The following DLGAP2 variants were observed in gnomAD, a reference collection of about 807,000 sequenced individuals.
DLGAP2 encodes the protein DLG associated protein 2, also known as disks large-associated protein 2.
In DLGAP2, 26 loss-of-function variants were observed where a neutral mutation model predicts 100.3. That is an observed-to-expected ratio of 0.26 (90% CI 0.19 to 0.36). The LOEUF (loss-of-function observed/expected upper bound fraction) is 0.36. Ranked by LOEUF, DLGAP2 falls within the 10% of genes least tolerant of loss-of-function variation. The pLI is 1.00. For missense variants in DLGAP2, 1,858 were observed against 1,453.2 expected (o/e 1.28, Z -4.53); for synonymous variants, 886 against 630.1 (o/e 1.41, Z -6.08).
At position 1,678,381 on chromosome 8, in the gene DLGAP2, G is replaced by A; in HGVS notation, c.2456G>A (p.Arg819Lys). The A allele has an allele frequency of 6.2e-7, 1 of 1,614,016 alleles. No individual in the cohort carries two copies. The highest frequency in any genetic ancestry group is 1.1e-5 in the South Asian group (1 of 91,088). ...ACCCCCACCCAGTACAGCGCGGTGA[G>A]AACTGTACGGACCCAGGGGCTCTTC... The part of the protein sequence containing the change: ...PSTPTQYSAV[R>K]TVRTQGLFSY... The change falls in exon 12 of 15, where the codon AGA becomes AAA. Residue 819 changes from arginine (R) to lysine (K), a missense_variant. By Grantham distance (26) the Arg-to-Lys change is conservative. Coordinates refer to ENST00000637795, the MANE Select transcript of DLGAP2 (RefSeq NM_001346810.2).
intron 3 of DLGAP2, among the ~76,000 whole-genome samples, chr8:1,360,205 G>A (rs1049342994): frequency 9.5e-5 from 12 of 126,140 alleles, no homozygotes; most frequent in African/African-American, 3.2e-4. Context: ...GCTCAGGGGC[G>A]GGGCTTTTCC....
rs145097989 is a variant in DLGAP2 at position 1,418,960 on chromosome 8, A to G, written c.107-82406A>G. ...TCGGGGAAACACTTTACTTGTGTTT[A>G]CCCACACTATGTAAATGCTCCCACT... On this transcript the variant is annotated intron_variant, in intron 3 of 14. Transcript: ENST00000637795. Among the ~76,000 whole-genome samples the G allele has an allele frequency of 1.0e-3, 157 of 152,332 alleles. No individual in the cohort carries two copies. In the East Asian group the frequency reaches 0.016, roughly 16 times the overall value.
chr8:937,984 C>T (rs528981023), intron 2 of DLGAP2, among the ~76,000 whole-genome samples: 44 of 152,246 alleles, frequency 2.9e-4, no homozygotes, highest in African/African-American at 1.0e-3. Context: ...TTCAGCAGTT[C>T]TTACTCTCAT....
chr8:926,304 C>T lies in DLGAP2; in HGVS notation c.73+18338C>T, dbSNP rs529848213. ...CCTAAGCCTGCTGGCCCTGCTTTCC[C>T]GTTCTTCCTTCCCAGATCCCAGTGA... On this transcript the variant is annotated intron_variant, in intron 2 of 14. Coordinates refer to ENST00000637795, the MANE Select transcript of DLGAP2 (RefSeq NM_001346810.2). 1.3e-3 allele frequency among the ~76,000 whole-genome samples: 193 copies of T among 152,312 alleles called. 1 individual carries two copies. The highest frequency in any genetic ancestry group is 4.4e-3 in the African/African-American group (185 of 41,576).
intron 2 of DLGAP2, among the ~76,000 whole-genome samples, chr8:1,049,456 A>G (rs898203703): frequency 6.6e-6 from 1 of 152,152 alleles, no homozygotes; most frequent in Non-Finnish European, 1.5e-5. Context: ...CACCCTGCTT[A>G]ACGTCACACG....
At chr8:1,472,639 A>G (rs895487805) in intron 3 of DLGAP2, among the ~76,000 whole-genome samples, 2 of 152,168 alleles carry the variant, frequency 1.3e-5, no homozygotes, top group Non-Finnish European at 2.9e-5. Context: ...CAGGTTCAGA[A>G]TCGAAGCTCA....
In DLGAP2 at chr8:1,464,317, A is replaced by G. The variant is rs796302952; in HGVS notation, c.107-37049A>G. Among the ~76,000 whole-genome samples, 33 of 32,790 alleles carry G rather than the reference A, an allele frequency of 1.0e-3. 6 individuals are homozygous for G. The highest frequency in any genetic ancestry group is 1.9e-3 in the Admixed American group (5 of 2,656). 21.5% of individuals were successfully genotyped at this position (32,790 alleles called of 152,430 possible). On this transcript the variant is annotated intron_variant, in intron 3 of 14. Transcript: ENST00000637795. The stretch of plus-strand genomic sequence containing the variant: ...TCCAGGATGGCACCCTTCCAGGACA[A>G]CGCCCTTCCAGGACGGCACCCTTCC...
At chr8:902,991 GGCGGA>G (rs1798292966) in intron 1 of DLGAP2, among the ~76,000 whole-genome samples, 1 of 104,190 alleles carries the variant, frequency 9.6e-6, no homozygotes, top group African/African-American at 3.8e-5. Flanking sequence ...GGGGCGGGGG[GGCGGA>G]AAGTGTGTGG....
intron 4 of DLGAP2, 138 bp from the exon 5 acceptor site, chr8:1,548,488 A>T (rs1356484061): frequency 8.2e-6 from 3 of 367,194 alleles, no homozygotes; most frequent in Non-Finnish European, 1.3e-5. Context: ...AAAAAAACCC[A>T]CAAATCTGCC....
chr8:1,189,467 A>T (rs918598699), intron 2 of DLGAP2, among the ~76,000 whole-genome samples: 1 of 152,246 alleles, frequency 6.6e-6, no homozygotes, highest in Non-Finnish European at 1.5e-5. Flanking sequence ...CGTTTAAACC[A>T]GACCTTCTTT....
At chr8:1,346,980 G>A (rs973440742) in intron 3 of DLGAP2, among the ~76,000 whole-genome samples, 20 of 151,880 alleles carry the variant, frequency 1.3e-4, no homozygotes, top group Non-Finnish European at 2.2e-4. Flanking sequence ...ATACAGAGCT[G>A]CATTGCACTC....
intron 6 of DLGAP2, chr8:1,622,304 A>G (rs187038795): frequency 1.3e-5 from 2 of 152,358 alleles, no homozygotes; most frequent in East Asian, 3.9e-4. Context: ...TAGTATGGAA[A>G]AAAATTTTCT....
chr8:1,028,572 G>A (rs1413868427), intron 2 of DLGAP2, among the ~76,000 whole-genome samples: 2 of 152,244 alleles, frequency 1.3e-5, no homozygotes, highest in African/African-American at 2.4e-5. Flanking sequence ...TGATGCTCCA[G>A]ATGTGCCAGG....
intron 6 of DLGAP2, among the ~76,000 whole-genome samples, chr8:1,615,567 T>C (rs1322105706): frequency 1.3e-5 from 2 of 151,964 alleles, no homozygotes; most frequent in Non-Finnish European, 2.9e-5. Context: ...GAAAGATCTT[T>C]AAAGCAGCCA....
chr8:1,203,861 G>A (rs917381176), intron 2 of DLGAP2, among the ~76,000 whole-genome samples: 17 of 152,166 alleles, frequency 1.1e-4, no homozygotes, highest in African/African-American at 3.4e-4. Context: ...AGGCAGGCTC[G>A]TTCTCATTTA....
intron 3 of DLGAP2, among the ~76,000 whole-genome samples, chr8:1,282,001 A>G (rs1233828602): frequency 4.6e-5 from 7 of 151,276 alleles, no homozygotes; most frequent in African/African-American, 1.7e-4. Flanking sequence ...GCCCTGAACC[A>G]TCCAGACATG....
At chr8:935,979 G>C (rs1799061226) in intron 2 of DLGAP2, among the ~76,000 whole-genome samples, 1 of 152,216 alleles carries the variant, frequency 6.6e-6, no homozygotes, top group Non-Finnish European at 1.5e-5. Context: ...ACTGGGAACA[G>C]TCTAAGAGTC....
At chr8:749,054 C>T (rs889931520) in intron 1 of DLGAP2, among the ~76,000 whole-genome samples, 28 of 152,166 alleles carry the variant, frequency 1.8e-4, no homozygotes, top group African/African-American at 6.8e-4. Context: ...GGCTGGAATG[C>T]AGGGGCATCA....
chr8:828,591 G>A (rs144612198), intron 1 of DLGAP2, among the ~76,000 whole-genome samples: 6 of 152,210 alleles, frequency 3.9e-5, no homozygotes, highest in African/African-American at 1.4e-4. Flanking sequence ...TGCAGTTAAT[G>A]CAATTATTAC....
Sources: gnomAD v4.1 joint callset for allele counts (sites outside exome capture counted in the v4.1 genomes callset) on GRCh38, gnomAD v4.1.1 for gene constraint, MANE v1.5 for transcripts, NCBI Gene and HGNC (gene_info 2026-07-23, HGNC 2026-07-21) for gene names.